The following HPCAL1 variants were observed in gnomAD, a reference collection of about 807,000 sequenced individuals.
The protein encoded by HPCAL1 is hippocalcin-like protein 1.
HPCAL1 carries 8 observed loss-of-function variants against 17.1 expected under a neutral mutation model. That is an observed-to-expected ratio of 0.47 (90% confidence interval 0.27 to 0.84). The LOEUF is 0.84. Among genes scored for constraint, HPCAL1 ranks in the 40% least tolerant of loss-of-function variants. The pLI is 0.13. For missense variants in HPCAL1, 165 were observed against 271.1 expected, an observed-to-expected ratio of 0.61 and a Z score of 2.75; for synonymous variants, 112 against 111.4, an observed-to-expected ratio of 1.01 and a Z score of -0.03.
At chr2:10,406,338 C>G (rs1413509812) in intron 2 of HPCAL1, 4 of 152,372 alleles carry the variant, frequency 2.6e-5, no homozygotes, top group Non-Finnish European at 5.9e-5. Flanking sequence ...CCTCTGTGCT[C>G]TGCGCCCGAG....
chr2:10,385,874 C>T (rs978956311), intron 1 of HPCAL1, among the ~76,000 whole-genome samples: 5 of 151,882 alleles, frequency 3.3e-5, no homozygotes, highest in African/African-American at 1.2e-4. Flanking sequence ...TGGTTCCAGG[C>T]TGCTGATTTG....
chr2:10,382,728 C>T (rs1668040855), intron 1 of HPCAL1, among the ~76,000 whole-genome samples: 1 of 145,294 alleles, frequency 6.9e-6, no homozygotes, highest in East Asian at 2.6e-4. Context: ...AAGCCGCATG[C>T]ACCACCCCCT....
intron 1 of HPCAL1, among the ~76,000 whole-genome samples, chr2:10,370,435 T>A (rs746010024): frequency 3.9e-5 from 6 of 152,210 alleles, no homozygotes; most frequent in Non-Finnish European, 7.4e-5. Context: ...TAAACCCTCA[T>A]GTGCAGATCC....
intron 2 of HPCAL1, chr2:10,406,449 CCATCCACGTGTGACTACA>C (rs1669974570): frequency 6.6e-6 from 1 of 152,306 alleles, no homozygotes; most frequent in African/African-American, 2.4e-5. Flanking sequence ...TGTGTCTTGT[CCATCCACGTGTGACTACA>C]CCCAGCATGG....
intron 1 of HPCAL1, among the ~76,000 whole-genome samples, chr2:10,312,704 CCAT>C (rs1388344044): frequency 2.0e-5 from 3 of 151,456 alleles, no homozygotes; most frequent in Non-Finnish European, 4.4e-5. Context: ...ATCCCCATCC[CCAT>C]CATCATCACC....
At chr2:10,370,031 T>G (rs562861968) in intron 1 of HPCAL1, among the ~76,000 whole-genome samples, 2 of 152,222 alleles carry the variant, frequency 1.3e-5, no homozygotes, top group African/African-American at 4.8e-5. Context: ...GGGTTAGGCC[T>G]CAGGAGTGGC....
intron 1 of HPCAL1, among the ~76,000 whole-genome samples, chr2:10,382,952 G>T (rs1668057545): frequency 6.6e-6 from 1 of 152,204 alleles, no homozygotes; most frequent in Non-Finnish European, 1.5e-5. Context: ...GGGAGTGGCG[G>T]CTCGCTTGTG....
chr2:10,420,123 G>A lies in HPCAL1; in HGVS notation c.366G>A (p.Leu122=). Residue 122 remains leucine (L), a synonymous_variant, in exon 3 of 5, where the codon CTG becomes CTA. Transcript: ENST00000307845. ...GNGYISRSEM[L]EIVQAIYKMV... Reference sequence around the variant, plus strand: ...GCTACATCAGCCGCAGCGAGATGCTGGAGATCGTGCAGGTACCGGCGCCCG... The same window carrying A: ...GCTACATCAGCCGCAGCGAGATGCTAGAGATCGTGCAGGTACCGGCGCCCG... 1.9e-6 allele frequency: 3 copies of A among 1,610,636 alleles called. No homozygotes were observed. The highest frequency in any genetic ancestry group is 2.5e-6 in the Non-Finnish European group (3 of 1,177,932).
At chr2:10,424,448 T>C in intron 4 of HPCAL1, 3 of 467,064 alleles carry the variant, frequency 6.4e-6, no homozygotes, top group Non-Finnish European at 8.9e-6. Context: ...GTTGTGAGGT[T>C]TCAGCGAGAT....
At chr2:10,378,422 C>T (rs533049030) in intron 1 of HPCAL1, among the ~76,000 whole-genome samples, 156 of 152,012 alleles carry the variant, frequency 1.0e-3, no homozygotes, top group African/African-American at 3.8e-3. Flanking sequence ...TGGACCGGGC[C>T]GCCTAAATGC....
intron 1 of HPCAL1, among the ~76,000 whole-genome samples, chr2:10,349,255 A>T (rs1665668878): frequency 6.6e-6 from 1 of 152,158 alleles, no homozygotes; most frequent in South Asian, 2.1e-4. Flanking sequence ...TCTCAAACAT[A>T]CTAAGAGGTA....
chr2:10,312,812 G>A (rs953804274), intron 1 of HPCAL1, among the ~76,000 whole-genome samples: 65 of 149,272 alleles, frequency 4.4e-4, no homozygotes, highest in Middle Eastern at 3.7e-3. Context: ...CACCATCACC[G>A]TCATCATCAC....
chr2:10,317,139 G>T (rs1195665328), intron 1 of HPCAL1, among the ~76,000 whole-genome samples: 1 of 152,202 alleles, frequency 6.6e-6, no homozygotes, highest in Non-Finnish European at 1.5e-5. Flanking sequence ...CTCACTTTAT[G>T]TGATATTTCT....
At chr2:10,391,112 A>G (rs1187432498) in intron 1 of HPCAL1, among the ~76,000 whole-genome samples, 2 of 152,158 alleles carry the variant, frequency 1.3e-5, no homozygotes, top group Non-Finnish European at 2.9e-5. Context: ...TGTACCTAAC[A>G]CACATGGTGG....
intron 1 of HPCAL1, among the ~76,000 whole-genome samples, chr2:10,319,901 TTGC>T (rs1230558030): frequency 6.6e-6 from 1 of 152,118 alleles, no homozygotes; most frequent in Non-Finnish European, 1.5e-5. Flanking sequence ...GGGGACTGAC[TTGC>T]TGCTGCAGGT....
At chr2:10,409,351 G>C (rs1303704150) in intron 2 of HPCAL1, among the ~76,000 whole-genome samples, 2 of 152,126 alleles carry the variant, frequency 1.3e-5, no homozygotes, top group Non-Finnish European at 2.9e-5. Flanking sequence ...CAGATGCATC[G>C]GCTCCTCCCT....
intron 1 of HPCAL1, among the ~76,000 whole-genome samples, chr2:10,309,738 G>A (rs150507980): frequency 6.6e-6 from 1 of 152,292 alleles, no homozygotes; most frequent in East Asian, 1.9e-4. Context: ...GTGGCTTGGT[G>A]CATTTCTGAT....
In HPCAL1 at chr2:10,362,081, A is replaced by G. The variant is rs1666556893; in HGVS notation, c.-110-34754A>G. Among the ~76,000 whole-genome samples the G allele has an allele frequency of 2.0e-5, 3 of 152,200 alleles. No individual in the cohort carries two copies. Among genetic ancestry groups the G allele is most frequent in the Admixed American group, 2.0e-4 (3 of 15,280 alleles). On this transcript the variant is annotated intron_variant, in intron 1 of 4. Transcript: ENST00000307845. The surrounding 1 kb of genome is among the most constrained non-coding windows in gnomAD (Gnocchi z 5.0). ...CATCTCTTTTAAAATGAGGAAACTG[A>G]GGCTCAGAGAGGTTAAGTCATGTGC...
intron 1 of HPCAL1, among the ~76,000 whole-genome samples, chr2:10,345,731 A>G (rs560931150): frequency 7.2e-5 from 11 of 152,348 alleles, no homozygotes; most frequent in Non-Finnish European, 1.3e-4. Context: ...TGCTAGGATT[A>G]TAGGCATAAG....
Sources: allele counts gnomAD v4.1 joint callset (sites outside exome capture counted in the v4.1 genomes callset), GRCh38; gene constraint gnomAD v4.1.1; non-coding constraint Gnocchi (gnomAD v3.1); transcripts MANE v1.5; gene names NCBI Gene and HGNC (gene_info 2026-07-23, HGNC 2026-07-21).